Variants in CAMSAP1 observed in about 807,000 individuals in gnomAD.
CAMSAP1 encodes calmodulin regulated spectrin associated protein 1.
A neutral mutation model predicts 143.5 loss-of-function variants in CAMSAP1; 58 were observed. The observed-to-expected ratio is 0.40, with a 90% CI of 0.33 to 0.50. The LOEUF is 0.50. Ranked by LOEUF, CAMSAP1 falls within the 20% of genes least tolerant of loss-of-function variation. The pLI is 0.45. For missense variants in CAMSAP1, 1,969 were observed against 2,115.7 expected (o/e 0.93, Z 1.36); for synonymous variants, 945 against 859.3 (o/e 1.10, Z -1.74).
At chr9:135,823,680 T>C (rs1835568403) in intron 10 of CAMSAP1, among the ~76,000 whole-genome samples, 2 of 152,210 alleles carry the variant, frequency 1.3e-5, no homozygotes, top group Admixed American at 1.3e-4. Context: ...ACCTGTATAG[T>C]TCTGGGATCT....
At chr9:135,819,379 C>T (rs1243641243) in intron 11 of CAMSAP1, among the ~76,000 whole-genome samples, 1 of 152,178 alleles carries the variant, frequency 6.6e-6, no homozygotes, top group African/African-American at 2.4e-5. Flanking sequence ...ATCCAGTTTG[C>T]CTTAAAAAGT....
At chr9:135,863,528 C>T (rs1212054737) in intron 4 of CAMSAP1, among the ~76,000 whole-genome samples, 1 of 152,188 alleles carries the variant, frequency 6.6e-6, no homozygotes, top group Non-Finnish European at 1.5e-5. Context: ...TAAAAAATGA[C>T]TGATTTCTGA....
chr9:135,865,427 G>A, intron 4 of CAMSAP1: 2 of 1,502,626 alleles, frequency 1.3e-6, no homozygotes, highest in South Asian at 2.4e-5. Context: ...TCCACGTGTG[G>A]ACGAGGTAAC....
At chr9:135,897,921 T>C (rs935473478) in intron 1 of CAMSAP1, among the ~76,000 whole-genome samples, 2 of 151,960 alleles carry the variant, frequency 1.3e-5, no homozygotes, top group Non-Finnish European at 2.9e-5. Context: ...ACTAAGACAA[T>C]GAGTCAAAGA....
intron 7 of CAMSAP1, among the ~76,000 whole-genome samples, chr9:135,829,145 G>A (rs1185729769): frequency 6.6e-6 from 1 of 152,150 alleles, no homozygotes; most frequent in Non-Finnish European, 1.5e-5. Flanking sequence ...GAAATATACA[G>A]ACACAAACAT....
intron 1 of CAMSAP1, among the ~76,000 whole-genome samples, chr9:135,896,646 G>A (rs1318124944): frequency 1.3e-5 from 2 of 152,114 alleles, no homozygotes; most frequent in East Asian, 3.8e-4. Context: ...AAGTATAAAA[G>A]AAATCAAACT....
Position 135,822,616 on chromosome 9 carries a change from G to A in CAMSAP1, c.2045C>T (p.Pro682Leu). Residue 682 changes from proline to leucine, a missense_variant, in exon 11 of 17, where the codon CCT becomes CTT. Around this residue, in one of 4 missense-constraint regions of CAMSAP1, gnomAD observed 1,390 missense variants for 1,420.8 expected, o/e 0.98. Coordinates refer to ENST00000389532, the MANE Select transcript of CAMSAP1 (RefSeq NM_015447.4). This position sits in a 1 kb window ranked among gnomAD's most constrained non-coding sequence, Gnocchi z 6.1. Reference sequence around the variant, plus strand: ...CGGATCGAATCCGCCAAGGGCCAGAGGCCCACCACAGACCTCTCCTGCGGT... The same window carrying A: ...CGGATCGAATCCGCCAAGGGCCAGAAGCCCACCACAGACCTCTCCTGCGGT... ...VETAGEVCGGPLALGGFDPFP... is the reference protein window; with the variant it reads ...VETAGEVCGGLLALGGFDPFP... The A allele has an allele frequency of 6.2e-7, 1 of 1,612,954 alleles. No homozygotes were observed.
chr9:135,827,675 C>A lies in CAMSAP1; in HGVS notation c.1046-91G>T, dbSNP rs965525744. 15 of 1,238,890 alleles carry A rather than the reference C, an allele frequency of 1.2e-5. No individual in the cohort carries two copies. In the Admixed American group the frequency reaches 5.0e-4, roughly 41 times the overall value. The allele number at this position is 1,238,890 out of a possible 1,614,324, so 76.7% of individuals were successfully genotyped here. ...GCAGCTTTTATAAGCACTAACTCAA[C>A]CTTTTATTGAAACCAAACTTCTGCC... On this transcript the variant is annotated intron_variant, in intron 7 of 16. Transcript: ENST00000389532.
At chr9:135,839,651 G>A (rs1408035550) in intron 7 of CAMSAP1, among the ~76,000 whole-genome samples, 1 of 152,126 alleles carries the variant, frequency 6.6e-6, no homozygotes, top group Non-Finnish European at 1.5e-5. Flanking sequence ...TCACAAGCTG[G>A]GTTCTGCCAC....
chr9:135,845,778 A>G (rs1836527130), intron 7 of CAMSAP1, among the ~76,000 whole-genome samples: 1 of 152,206 alleles, frequency 6.6e-6, no homozygotes. Flanking sequence ...TGCTACAAAG[A>G]AAATAAAATA....
At chr9:135,837,406 G>C (rs1167176920) in intron 7 of CAMSAP1, among the ~76,000 whole-genome samples, 1 of 142,666 alleles carries the variant, frequency 7.0e-6, no homozygotes, top group African/African-American at 2.7e-5. Flanking sequence ...CCGTTGTACA[G>C]ACACACGTCA....
intron 16 of CAMSAP1, among the ~76,000 whole-genome samples, chr9:135,814,050 T>A (rs1835144309): frequency 6.6e-6 from 1 of 152,148 alleles, no homozygotes; most frequent in African/African-American, 2.4e-5. Flanking sequence ...CACGAGTCCT[T>A]CCAGTGCATC....
intron 4 of CAMSAP1, 110 bp from the exon 5 acceptor site, chr9:135,862,718 A>G: frequency 9.1e-7 from 1 of 1,104,412 alleles, no homozygotes; most frequent in Non-Finnish European, 1.3e-6. Flanking sequence ...AACAGACAAC[A>G]TGGAGAACAA....
chr9:135,865,205 C>T (rs916980288), intron 4 of CAMSAP1: 4 of 897,232 alleles, frequency 4.5e-6, no homozygotes, highest in Admixed American at 2.2e-5. Context: ...ATAAATAACT[C>T]CAAGGTGGGA....
In CAMSAP1 at chr9:135,907,098, T is replaced by C. The variant is rs1349902391; in HGVS notation, c.62A>G (p.Asp21Gly). The change falls in exon 1 of 17, where the codon GAC (aspartate) becomes GGC (glycine). Residue 21 changes from aspartate (D) to glycine (G), a missense_variant. Asp to Gly is a moderately conservative substitution (Grantham distance 94). This residue lies in a region of CAMSAP1 where 215 missense variants were observed against 196.2 expected (regional missense o/e 1.10). Transcript: ENST00000389532. ...EGWRKMEAPP[D>G]GAADLVPLDR... The stretch of plus-strand genomic sequence containing the variant: ...CAGGGGCACGAGGTCGGCGGCGCCG[T>C]CCGGCGGGGCCTCCATCTTCCTCCA... The C allele has an allele frequency of 1.2e-5, 14 of 1,144,524 alleles. No individual in the cohort carries two copies. In the African/African-American group the frequency reaches 2.0e-4, roughly 16 times the overall value. The allele number at this position is 1,144,524 out of a possible 1,614,324, so 70.9% of individuals were successfully genotyped here.
intron 1 of CAMSAP1, among the ~76,000 whole-genome samples, chr9:135,884,424 T>C (rs1775452439): frequency 6.6e-6 from 1 of 152,178 alleles, no homozygotes; most frequent in Non-Finnish European, 1.5e-5. Context: ...CACTTCATTA[T>C]GGTCCCATGG....
Position 135,818,930 on chromosome 9 carries a change from G to A in CAMSAP1, c.3959+80C>T, listed in dbSNP as rs1317268860. ...CACTCATTGCCATGGTCCATGCTCA[G>A]TGCCAGCAACGGGACCGGGGCCGCC... On this transcript the variant is annotated intron_variant, in intron 12 of 16. Coordinates refer to ENST00000389532, the MANE Select transcript of CAMSAP1 (RefSeq NM_015447.4). This position sits in a 1 kb window ranked among gnomAD's most constrained non-coding sequence, Gnocchi z 7.7. The A allele has an allele frequency of 5.2e-6, 8 of 1,550,124 alleles. No individual in the cohort carries two copies. The highest frequency in any genetic ancestry group is 6.9e-6 in the Non-Finnish European group (8 of 1,154,246).
rs1376352809 is a variant in CAMSAP1 at position 135,862,365 on chromosome 9, T to A, written c.808+102A>T. On this transcript the variant is annotated intron_variant, in intron 5 of 16. Transcript: ENST00000389532. ...CCCAATTTATATTAAGGATTCCATT[T>A]TCTTTCTCTTTTTTTTTTTTAATAT... The A allele has an allele frequency of 5.3e-6, 7 of 1,316,732 alleles. No individual in the cohort carries two copies. In the Admixed American group the frequency reaches 1.9e-4, roughly 36 times the overall value. 81.6% of individuals were successfully genotyped at this position (1,316,732 alleles called of 1,614,324 possible). A position where few individuals can be genotyped will look rare whatever the true frequency, so the allele number is the denominator to read the frequency against.
At chr9:135,881,545 C>A (rs1025716103) in intron 3 of CAMSAP1, 88 bp downstream of exon 3, 59 of 1,419,960 alleles carry the variant, frequency 4.2e-5, no homozygotes, top group Non-Finnish European at 5.4e-5. Flanking sequence ...TGGGTCTCAG[C>A]GTGACAGACA....
Sources: allele counts gnomAD v4.1 joint callset (sites outside exome capture counted in the v4.1 genomes callset), GRCh38; gene constraint gnomAD v4.1.1; regional missense constraint gnomAD v4.1.1; non-coding constraint Gnocchi (gnomAD v3.1); transcripts MANE v1.5; gene names NCBI Gene and HGNC (gene_info 2026-07-23, HGNC 2026-07-21).